ZNF609: variants seen among roughly 807,000 people sequenced by gnomAD.
ZNF609 encodes the protein zinc finger protein 609.
A neutral mutation model predicts 109.5 loss-of-function variants in ZNF609; 11 were observed. The ratio of observed to expected loss-of-function variants is 0.10; its 90% CI spans 0.06 to 0.17. ZNF609 has a LOEUF of 0.17. Ranked by LOEUF, ZNF609 falls within the 10% of genes least tolerant of loss-of-function variation. The pLI is 1.00. For synonymous variants in ZNF609, 646 were observed against 662.0 expected (o/e 0.98, Z 0.37); for missense variants, 1,559 against 1,772.4 (o/e 0.88, Z 2.16).
chr15:64,672,083 G>A (rs1896738740), intron 4 of ZNF609, among the ~76,000 whole-genome samples: 1 of 143,840 alleles, frequency 7.0e-6, no homozygotes, highest in African/African-American at 2.7e-5. Flanking sequence ...CGCAGTCTTG[G>A]CTCACTGCAA....
At chr15:64,523,823 G>T (rs1349080472) in intron 2 of ZNF609, among the ~76,000 whole-genome samples, 1 of 151,982 alleles carries the variant, frequency 6.6e-6, no homozygotes, top group Non-Finnish European at 1.5e-5. Flanking sequence ...GTGAATGGAA[G>T]ATTGAGAAAT....
At chr15:64,602,743 G>GTT (rs1895522052) in intron 2 of ZNF609, among the ~76,000 whole-genome samples, 1 of 82,572 alleles carries the variant, frequency 1.2e-5, no homozygotes, top group African/African-American at 4.7e-5. Flanking sequence ...TTTTTTTTGA[G>GTT]ACGGAGTCTT....
intron 9 of ZNF609, 117 bp downstream of exon 9, chr15:64,681,504 A>C (rs1595763321): frequency 1.2e-6 from 1 of 832,516 alleles, no homozygotes; most frequent in East Asian, 2.5e-5. Context: ...AATCCATGGA[A>C]CCCTGGCCAA....
rs1896774782 is a variant in ZNF609, at chr15:64,674,112, C to T, written c.1258C>T (p.Arg420Cys). The T allele has an allele frequency of 6.2e-7, 1 of 1,614,192 alleles. No homozygotes were observed. The highest frequency in any genetic ancestry group is 8.5e-7 in the Non-Finnish European group (1 of 1,180,038). Residue 420 changes from arginine (R) to cysteine (C), a missense_variant, in exon 5 of 10, where the codon CGC (arginine) becomes TGC (cysteine). By Grantham distance (180) the Arg-to-Cys change is radical. This residue lies in a region of ZNF609 where 1,204 missense variants were observed against 1,314.1 expected (regional missense o/e 0.92). Transcript: ENST00000326648. ...RRGSQNSSEH[R>C]PPASSTSEDV... is the part of the protein sequence containing the mutation. Reference sequence around the variant, plus strand: ...GGGCAGCCAGAATTCTTCAGAGCACCGCCCACCTGCCAGCAGCACTTCTGA... The same window carrying T: ...GGGCAGCCAGAATTCTTCAGAGCACTGCCCACCTGCCAGCAGCACTTCTGA...
chr15:64,499,600 G>C lies in ZNF609; in HGVS notation c.181G>C (p.Ala61Pro). 1 of 1,614,160 alleles carries C rather than the reference G, an allele frequency of 6.2e-7. No homozygotes were observed. Among genetic ancestry groups the C allele is most frequent in the East Asian group, 2.2e-5 (1 of 44,884 alleles). The change falls in exon 2 of 10, where the codon GCT (alanine) becomes CCT (proline). Residue 61 changes from alanine (A) to proline (P), a missense_variant. Coordinates refer to ENST00000326648, the MANE Select transcript of ZNF609 (RefSeq NM_015042.2). ...MSGSKEVGIPAPNAVATLPDN... is the reference protein window; with the variant it reads ...MSGSKEVGIPPPNAVATLPDN... ...AGGCTCAAAGGAGGTGGGGATACCG[G>C]CTCCCAATGCTGTGGCCACACTACC...
chr15:64,487,194 A>G (rs533149552), intron 1 of ZNF609, among the ~76,000 whole-genome samples: 1 of 152,272 alleles, frequency 6.6e-6, no homozygotes, highest in Admixed American at 6.5e-5. Context: ...TCTCATAGTC[A>G]AACATCAAGT....
chr15:64,530,253 T>C (rs1279473496), intron 2 of ZNF609, among the ~76,000 whole-genome samples: 1 of 152,030 alleles, frequency 6.6e-6, no homozygotes, highest in Non-Finnish European at 1.5e-5. Context: ...TGACCTCAAG[T>C]GATCCGCTTG....
At chr15:64,667,717 A>AG (rs1555425794) in intron 3 of ZNF609, among the ~76,000 whole-genome samples, 3 of 152,146 alleles carry the variant, frequency 2.0e-5, no homozygotes, top group Non-Finnish European at 2.9e-5. Flanking sequence ...TGTCTCAAAA[A>AG]AAAAAGAAAA....
intron 6 of ZNF609, among the ~76,000 whole-genome samples, chr15:64,678,775 G>A (rs1896841992): frequency 6.6e-6 from 1 of 152,172 alleles, no homozygotes; most frequent in Admixed American, 6.5e-5. Context: ...TGTCACTGCT[G>A]TCTCCCCTCA....
At position 64,677,925 on chromosome 15, in the gene ZNF609, G is replaced by T. The variant is rs1478359490; in HGVS notation, c.3403-191G>T. Among the ~76,000 whole-genome samples, 3 of 152,186 alleles carry T rather than the reference G, an allele frequency of 2.0e-5. No individual in the cohort carries two copies. The South Asian group carries it at 6.2e-4, about 32-fold the overall frequency. ...GTTCCCTGTGGGTGGGTGCAGAGGT[G>T]GGGGCGGGGGCTTTTTAACCAAAAG... On this transcript the variant is annotated intron_variant, in intron 5 of 9. Coordinates refer to ENST00000326648, the MANE Select transcript of ZNF609 (RefSeq NM_015042.2).
intron 3 of ZNF609, among the ~76,000 whole-genome samples, chr15:64,652,283 C>G (rs562619953): frequency 4.1e-4 from 62 of 152,104 alleles, no homozygotes; most frequent in Non-Finnish European, 7.4e-4. Context: ...CTCGGCCTCC[C>G]AAAGTGCTCA....
intron 1 of ZNF609, among the ~76,000 whole-genome samples, chr15:64,491,662 C>T (rs944580325): frequency 1.3e-4 from 20 of 151,766 alleles, no homozygotes; most frequent in African/African-American, 4.4e-4. Context: ...GCTTGGCCAA[C>T]GTGGTGAAAC....
chr15:64,641,132 C>G (rs967580565), intron 3 of ZNF609, among the ~76,000 whole-genome samples: 4 of 151,028 alleles, frequency 2.6e-5, no homozygotes, highest in African/African-American at 9.7e-5. Context: ...TCTAATAATA[C>G]TTTTGCCTGA....
At chr15:64,586,186 C>T (rs1480239277) in intron 2 of ZNF609, among the ~76,000 whole-genome samples, 7 of 151,834 alleles carry the variant, frequency 4.6e-5, no homozygotes, top group African/African-American at 2.4e-5. Flanking sequence ...ATTAGCCGGG[C>T]GTGGTGGCAC....
At chr15:64,599,453 T>C (rs1390728251) in intron 2 of ZNF609, among the ~76,000 whole-genome samples, 1 of 152,176 alleles carries the variant, frequency 6.6e-6, no homozygotes, top group African/African-American at 2.4e-5. Context: ...GTAAATCATC[T>C]CTCAGCCATC....
chr15:64,656,780 CT>C lies in ZNF609; in HGVS notation c.974-13565del, dbSNP rs1460485683. Among the ~76,000 whole-genome samples, 9 of 151,590 alleles carry C rather than the reference CT, an allele frequency of 5.9e-5. No homozygotes were observed. The South Asian group carries it at 1.5e-3, about 25-fold the overall frequency. ...CTCTCCCTCTTTCTCCTCCCCTCCC[CT>C]CTCTCCCTTCCTCCCTTCCTCTTTC... On this transcript the variant is annotated intron_variant, in intron 3 of 9. Transcript: ENST00000326648.
intron 2 of ZNF609, 27 bp from the exon 3 acceptor site, chr15:64,622,800 A>G: frequency 3.1e-6 from 5 of 1,592,186 alleles, no homozygotes; most frequent in Non-Finnish European, 3.4e-6. Flanking sequence ...CCTGCAACTC[A>G]GCTACTACTT....
intron 2 of ZNF609, among the ~76,000 whole-genome samples, chr15:64,567,606 G>T (rs930501161): frequency 5.3e-5 from 8 of 152,050 alleles, no homozygotes; most frequent in African/African-American, 1.9e-4. Flanking sequence ...AAATATGATG[G>T]ATTAATTATC....
intron 3 of ZNF609, among the ~76,000 whole-genome samples, chr15:64,653,532 G>A (rs947720878): frequency 3.3e-5 from 5 of 152,348 alleles, no homozygotes; most frequent in South Asian, 4.1e-4. Flanking sequence ...TGTAGTCCCA[G>A]CTACTTGGGA....
Sources: gnomAD v4.1 joint callset for allele counts (sites outside exome capture counted in the v4.1 genomes callset) on GRCh38, gnomAD v4.1.1 for gene constraint, gnomAD v4.1.1 regional missense constraint, MANE v1.5 for transcripts, NCBI Gene and HGNC (gene_info 2026-07-23, HGNC 2026-07-21) for gene names.